The following BAZ2B variants were observed in gnomAD, a reference collection of about 807,000 sequenced individuals.
BAZ2B encodes bromodomain adjacent to zinc finger domain 2B.
In BAZ2B, 91 loss-of-function variants were observed where a neutral mutation model predicts 246.0. The observed-to-expected ratio is 0.37, with a 90% CI of 0.31 to 0.44. BAZ2B has a LOEUF of 0.44. Ranked by LOEUF, BAZ2B falls within the 20% of genes least tolerant of loss-of-function variation. The pLI is 1.00. For synonymous variants in BAZ2B, 855 were observed against 860.0 expected (o/e 0.99, Z 0.10); for missense variants, 2,332 against 2,533.7 (o/e 0.92, Z 1.71).
chr2:159,566,351 A>G (rs954496558), intron 1 of BAZ2B, among the ~76,000 whole-genome samples: 1 of 152,164 alleles, frequency 6.6e-6, no homozygotes, highest in South Asian at 2.1e-4. Context: ...TGTCCTTCTA[A>G]GCTATATACA....
intron 2 of BAZ2B, among the ~76,000 whole-genome samples, chr2:159,555,069 G>GTGT (rs1559762513): frequency 5.6e-4 from 69 of 123,518 alleles, no homozygotes; most frequent in Admixed American, 1.4e-3. Context: ...GTATGTGGGG[G>GTGT]GTGTGTGTGT....
intron 20 of BAZ2B, among the ~76,000 whole-genome samples, chr2:159,393,881 T>TTTCCC (rs1224268402): frequency 6.6e-6 from 1 of 152,012 alleles, no homozygotes; most frequent in Non-Finnish European, 1.5e-5. Flanking sequence ...CTTCCCCCAC[T>TTTCCC]CTCCCCAGGC....
chr2:159,447,172 C>A (rs149722235), intron 5 of BAZ2B, among the ~76,000 whole-genome samples, 197 bp from the exon 6 acceptor site: 1 of 151,640 alleles, frequency 6.6e-6, no homozygotes, highest in Non-Finnish European at 1.5e-5. Context: ...GAAAACTGAT[C>A]GCTTCCAGGG....
At chr2:159,337,237 G>A (rs1194491922) in intron 32 of BAZ2B, among the ~76,000 whole-genome samples, 160 bp from the exon 33 acceptor site, 1 of 152,170 alleles carries the variant, frequency 6.6e-6, no homozygotes, top group Non-Finnish European at 1.5e-5. Flanking sequence ...CACAGACTGT[G>A]GCTACGTGCC....
intron 2 of BAZ2B, among the ~76,000 whole-genome samples, chr2:159,509,292 T>C (rs2082657941): frequency 6.6e-6 from 1 of 152,184 alleles, no homozygotes; most frequent in African/African-American, 2.4e-5. Flanking sequence ...AATACACTTT[T>C]AATTCTAATT....
chr2:159,702,447 C>G, the BAZ2B span, among the ~76,000 whole-genome samples: 1 of 152,100 alleles, frequency 6.6e-6, no homozygotes, highest in Non-Finnish European at 1.5e-5. Context: ...ATTTTTAATG[C>G]TACTATTTAA....
intron 1 of BAZ2B, among the ~76,000 whole-genome samples, chr2:159,588,655 C>T (rs1422493793): frequency 3.3e-5 from 5 of 152,144 alleles, no homozygotes; most frequent in African/African-American, 4.8e-5. Flanking sequence ...GTCAATAGCT[C>T]GGTTTAGTCA....
chr2:159,451,089 T>C (rs1467346970), intron 4 of BAZ2B, among the ~76,000 whole-genome samples: 1 of 152,196 alleles, frequency 6.6e-6, no homozygotes, highest in East Asian at 1.9e-4. Context: ...GATCTCAATT[T>C]GAACCTAGAA....
chr2:159,501,624 A>C (rs2081854251), intron 2 of BAZ2B, among the ~76,000 whole-genome samples: 1 of 152,174 alleles, frequency 6.6e-6, no homozygotes, highest in East Asian at 1.9e-4. Context: ...TTTTCTGATT[A>C]CTAAAATTAA....
intron 31 of BAZ2B, among the ~76,000 whole-genome samples, chr2:159,339,574 T>C (rs1179665550): frequency 5.9e-5 from 9 of 152,068 alleles, no homozygotes; most frequent in Non-Finnish European, 4.4e-5. Flanking sequence ...TGGGTATACA[T>C]AGAAAAGAAA....
At chr2:159,541,454 T>A (rs1001652362) in intron 2 of BAZ2B, among the ~76,000 whole-genome samples, 1 of 151,980 alleles carries the variant, frequency 6.6e-6, no homozygotes, top group Non-Finnish European at 1.5e-5. Context: ...ATTTTTTGTA[T>A]TTTTAGTAGA....
the BAZ2B span, among the ~76,000 whole-genome samples, chr2:159,664,968 A>G: frequency 6.6e-6 from 1 of 151,346 alleles, no homozygotes; most frequent in Non-Finnish European, 1.5e-5. Context: ...TCTCAGCCCA[A>G]AATCTCCTTA....
intron 5 of BAZ2B, 67 bp downstream of exon 5, chr2:159,448,175 C>T (rs1419973120): frequency 2.6e-6 from 4 of 1,542,162 alleles, no homozygotes; most frequent in Admixed American, 2.2e-5. Context: ...GGTATTAAAC[C>T]TGAACATTAT....
chr2:159,476,884 T>C (rs551948191), intron 3 of BAZ2B, among the ~76,000 whole-genome samples: 3 of 152,350 alleles, frequency 2.0e-5, no homozygotes, highest in South Asian at 4.1e-4. Context: ...TTGAGCACAG[T>C]ATATCATCAG....
At chr2:159,682,915 C>G in the BAZ2B span, among the ~76,000 whole-genome samples, 3 of 73,106 alleles carry the variant, frequency 4.1e-5, no homozygotes, top group African/African-American at 6.9e-5. Context: ...CCCCTCCCCC[C>G]CCCCACACAC....
chr2:159,326,826 A>AG (rs2063780231), intron 34 of BAZ2B, among the ~76,000 whole-genome samples: 2 of 152,300 alleles, frequency 1.3e-5, no homozygotes, highest in East Asian at 1.9e-4. Context: ...GTATTCATAG[A>AG]GAAAAAAAAT....
chr2:159,392,487 T>G (rs1359826452), intron 20 of BAZ2B, among the ~76,000 whole-genome samples: 1 of 152,136 alleles, frequency 6.6e-6, no homozygotes, highest in South Asian at 2.1e-4. Context: ...CTCACTCAAG[T>G]ATAAGCCTCT....
rs756935074 is a variant in BAZ2B, at chr2:159,389,329, A to G, written c.3216+16T>C. The G allele has an allele frequency of 1.7e-5, 26 of 1,573,346 alleles. No individual in the cohort carries two copies. Among genetic ancestry groups the G allele is most frequent in the Non-Finnish European group, 2.2e-5 (26 of 1,163,786 alleles). Reference sequence around the variant, plus strand: ...TAAACTTATGAATGAAATGGTGTACATGACGTATAAATTACCTTTTGGTCT... The same window carrying G: ...TAAACTTATGAATGAAATGGTGTACGTGACGTATAAATTACCTTTTGGTCT... On this transcript the variant is annotated intron_variant, in intron 21 of 36. Coordinates refer to ENST00000392783, the MANE Select transcript of BAZ2B (RefSeq NM_013450.4).
rs1445464004 is a variant in BAZ2B at position 159,453,601 on chromosome 2, A to G, written c.334+12T>C. ...CTCCTTCCCTTGAACACTGTTTGTA[A>G]CAGATGTTTACCTGGAAAAGATGCT... On this transcript the variant is annotated intron_variant, in intron 4 of 36. Coordinates refer to ENST00000392783, the MANE Select transcript of BAZ2B (RefSeq NM_013450.4). The G allele has an allele frequency of 6.3e-7, 1 of 1,585,594 alleles. No individual in the cohort carries two copies. The highest frequency in any genetic ancestry group is 1.4e-5 in the African/African-American group (1 of 74,040).
Sources: gnomAD v4.1 joint callset for allele counts (sites outside exome capture counted in the v4.1 genomes callset) on GRCh38, gnomAD v4.1.1 for gene constraint, MANE v1.5 for transcripts, NCBI Gene and HGNC (gene_info 2026-07-23, HGNC 2026-07-21) for gene names.